Variants in ANKRD13A observed in about 807,000 individuals in gnomAD.
The protein encoded by ANKRD13A is ankyrin repeat domain 13A.
A neutral mutation model predicts 81.3 loss-of-function variants in ANKRD13A; 48 were observed. The ratio of observed to expected loss-of-function variants is 0.59; its 90% CI spans 0.47 to 0.75. ANKRD13A has a LOEUF of 0.75. ANKRD13A is among the 30% of genes least tolerant of loss of function. ANKRD13A has a pLI of 0.00. For synonymous variants in ANKRD13A, 230 were observed against 270.1 expected (o/e 0.85, Z 1.45); for missense variants, 612 against 734.0 (o/e 0.83, Z 1.92).
intron 12 of ANKRD13A, among the ~76,000 whole-genome samples, chr12:110,033,139 C>T (rs1169971962): frequency 6.6e-6 from 1 of 150,464 alleles, no homozygotes; most frequent in Non-Finnish European, 1.5e-5. Context: ...CTGCAAGCTC[C>T]GCCTCCCGGG....
chr12:110,039,209 A>T lies in ANKRD13A; in HGVS notation c.*1655A>T, dbSNP rs1892233185. The stretch of plus-strand genomic sequence containing the variant: ...TACCGTGAGCAAAGATACTTCTTGG[A>T]ATGGCTGCAGTGAGGCCGTGTCATT... On this transcript the variant is annotated 3_prime_UTR_variant, in exon 15 of 15. Coordinates refer to ENST00000261739, the MANE Select transcript of ANKRD13A (RefSeq NM_033121.2). 6.6e-6 allele frequency: 1 copy of T among 152,126 alleles called. No homozygotes were observed. The highest frequency in any genetic ancestry group is 1.5e-5 in the Non-Finnish European group (1 of 68,028). 9.4% of individuals were successfully genotyped at this position (152,126 alleles called of 1,614,324 possible).
At chr12:110,027,656 C>A in intron 8 of ANKRD13A, 49 bp from the exon 9 acceptor site, 2 of 1,563,686 alleles carry the variant, frequency 1.3e-6, no homozygotes, top group Non-Finnish European at 8.8e-7. Flanking sequence ...TTTTTTATAG[C>A]CACAAGTGAG....
intron 9 of ANKRD13A, chr12:110,028,160 A>C: frequency 6.5e-6 from 2 of 307,668 alleles, no homozygotes; most frequent in Non-Finnish European, 1.2e-5. Flanking sequence ...CAGAAAAATG[A>C]AATTACCTTT....
intron 6 of ANKRD13A, among the ~76,000 whole-genome samples, chr12:110,019,679 C>T (rs1366025712): frequency 3.9e-5 from 6 of 152,190 alleles, no homozygotes; most frequent in South Asian, 4.1e-4. Context: ...GACCACAGAG[C>T]GTGGAGTTTC....
At chr12:110,014,546 C>T (rs572426721) in intron 3 of ANKRD13A, among the ~76,000 whole-genome samples, 1 of 152,194 alleles carries the variant, frequency 6.6e-6, no homozygotes, top group Non-Finnish European at 1.5e-5. Flanking sequence ...GACCTGCGTA[C>T]TTAGTGGCTC....
In ANKRD13A at chr12:110,030,717, A is replaced by G; in HGVS notation, c.1307A>G (p.Glu436Gly). Residue 436 changes from glutamate to glycine, a missense_variant, in exon 12 of 15, where the codon GAA becomes GGA. By Grantham distance (98) the Glu-to-Gly change is moderately conservative. Coordinates refer to ENST00000261739, the MANE Select transcript of ANKRD13A (RefSeq NM_033121.2). ...GTTAATGGCTGTAGCACTGCCGAAG[A>G]ATCTGTATCTCAAAATGTGGAAGGG... ...GNVNGCSTAE[E>G]SVSQNVEGTQ... 6.2e-7 allele frequency: 1 copy of G among 1,610,166 alleles called. No individual in the cohort carries two copies. Among genetic ancestry groups the G allele is most frequent in the Non-Finnish European group, 8.5e-7 (1 of 1,177,848 alleles).
chr12:110,025,850 T>G (rs771263612), intron 8 of ANKRD13A, 27 bp downstream of exon 8: 1 of 1,591,474 alleles, frequency 6.3e-7, no homozygotes. Flanking sequence ...TCCCACCTCC[T>G]GTTTTGTTGT....
Position 110,012,158 on chromosome 12 carries a change from A to G in ANKRD13A, c.229+21A>G, listed in dbSNP as rs548187083. On this transcript the variant is annotated intron_variant, in intron 2 of 14. Transcript: ENST00000261739. ...GACAGGTAAGTATACTTTTACAATAATTTAAAGTCCGTCTGAGCACCATGG... is the reference window on the plus strand; with the variant it reads ...GACAGGTAAGTATACTTTTACAATAGTTTAAAGTCCGTCTGAGCACCATGG... 12 of 1,587,480 alleles carry G rather than the reference A, an allele frequency of 7.6e-6. No individual in the cohort carries two copies. The East Asian group carries it at 1.8e-4, about 24-fold the overall frequency.
intron 11 of ANKRD13A, among the ~76,000 whole-genome samples, 194 bp from the exon 12 acceptor site, chr12:110,030,451 G>A (rs905199478): frequency 2.0e-5 from 3 of 152,268 alleles, no homozygotes; most frequent in East Asian, 3.9e-4. Context: ...ACAGGTGTAA[G>A]CCACCGCGCC....
At chr12:110,033,757 G>C (rs1344680222) in intron 12 of ANKRD13A, 40 bp from the exon 13 acceptor site, 1 of 1,508,162 alleles carries the variant, frequency 6.6e-7, no homozygotes, top group Non-Finnish European at 8.9e-7. Context: ...GAGTGGAAAT[G>C]TAATGAACTC....
intron 4 of ANKRD13A, among the ~76,000 whole-genome samples, chr12:110,017,733 G>A (rs1363619101): frequency 2.0e-5 from 3 of 152,072 alleles, no homozygotes; most frequent in Non-Finnish European, 4.4e-5. Context: ...AGGAGTTGAA[G>A]ACCAGCCTGG....
At chr12:110,014,978 T>C (rs965694751) in intron 3 of ANKRD13A, among the ~76,000 whole-genome samples, 1 of 151,578 alleles carries the variant, frequency 6.6e-6, no homozygotes, top group Non-Finnish European at 1.5e-5. Flanking sequence ...TTAGTAGAGA[T>C]GGGGTTTCAC....
chr12:110,002,772 AT>A (rs1224237306), intron 1 of ANKRD13A, among the ~76,000 whole-genome samples: 1 of 152,082 alleles, frequency 6.6e-6, no homozygotes, highest in African/African-American at 2.4e-5. Flanking sequence ...AGCTGTAAGA[AT>A]TTTTTTCCAG....
rs535930703 is a variant in ANKRD13A, at chr12:110,036,698, C to T, written c.1577+370C>T. ...CCAGGAGGCGGAGCTTGCAGTGAGC[C>T]GAGATCGCGCCACTGCACTCCAGCC... On this transcript the variant is annotated intron_variant, in intron 14 of 14. Coordinates refer to ENST00000261739, the MANE Select transcript of ANKRD13A (RefSeq NM_033121.2). The surrounding 1 kb of genome is among the most constrained non-coding windows in gnomAD (Gnocchi z 4.6). Among the ~76,000 whole-genome samples the T allele has an allele frequency of 1.8e-4, 27 of 151,988 alleles. 1 individual carries two copies. In the South Asian group the frequency reaches 5.4e-3, roughly 30 times the overall value.
intron 7 of ANKRD13A, among the ~76,000 whole-genome samples, 198 bp downstream of exon 7, chr12:110,024,310 G>C (rs912140680): frequency 1.3e-5 from 2 of 151,792 alleles, no homozygotes; most frequent in African/African-American, 2.4e-5. Flanking sequence ...GCCCTGAGGA[G>C]GTCTGTAGCT....
At chr12:110,031,781 T>C (rs1301736011) in intron 12 of ANKRD13A, among the ~76,000 whole-genome samples, 2 of 152,242 alleles carry the variant, frequency 1.3e-5, no homozygotes, top group Admixed American at 6.5e-5. Flanking sequence ...AATGGACTTA[T>C]TTTCTTAATT....
chr12:110,014,568 A>G (rs1260742267), intron 3 of ANKRD13A, among the ~76,000 whole-genome samples: 1 of 152,210 alleles, frequency 6.6e-6, no homozygotes, highest in Non-Finnish European at 1.5e-5. Context: ...AGAAGCTGTC[A>G]TTGATGTCTT....
At chr12:110,019,044 A>T in intron 5 of ANKRD13A, 95 bp from the exon 6 acceptor site, 1 of 1,312,894 alleles carries the variant, frequency 7.6e-7, no homozygotes, top group South Asian at 1.6e-5. Context: ...CTGGGAGGAC[A>T]CACATGAAAG....
At chr12:110,007,581 T>C (rs1295861462) in intron 1 of ANKRD13A, among the ~76,000 whole-genome samples, 2 of 152,130 alleles carry the variant, frequency 1.3e-5, no homozygotes, top group African/African-American at 4.8e-5. Flanking sequence ...GGTTTCTCCA[T>C]GTTGGTCAGG....
Sources: allele counts gnomAD v4.1 joint callset (sites outside exome capture counted in the v4.1 genomes callset), GRCh38; gene constraint gnomAD v4.1.1; non-coding constraint Gnocchi (gnomAD v3.1); transcripts MANE v1.5; gene names NCBI Gene and HGNC (gene_info 2026-07-23, HGNC 2026-07-21).